Variants in LAMA2 observed in about 807,000 individuals in gnomAD.
LAMA2 encodes laminin subunit alpha 2, also known as laminin subunit alpha-2.
A neutral mutation model predicts 364.8 loss-of-function variants in LAMA2; 269 were observed. That is an observed-to-expected ratio of 0.74 (90% CI 0.67 to 0.82). LAMA2 has a LOEUF of 0.82. LAMA2 is among the 40% of genes least tolerant of loss of function. The pLI is 0.00. For synonymous variants in LAMA2, 1,379 were observed against 1,370.6 expected (o/e 1.01, Z -0.14); for missense variants, 3,807 against 3,873.2 (o/e 0.98, Z 0.45).
At chr6:129,225,256 C>G (rs1037576263) in intron 12 of LAMA2, among the ~76,000 whole-genome samples, 3 of 152,066 alleles carry the variant, frequency 2.0e-5, no homozygotes, top group Non-Finnish European at 4.4e-5. Context: ...AGCAGTCTAT[C>G]AATTTTGTTG....
At chr6:129,261,110 C>T (rs928072191) in intron 15 of LAMA2, among the ~76,000 whole-genome samples, 2 of 152,018 alleles carry the variant, frequency 1.3e-5, no homozygotes, top group African/African-American at 4.8e-5. Context: ...TGGATGGTAG[C>T]AGAATAGCAC....
At chr6:129,143,815 A>T in intron 4 of LAMA2, 86 bp from the exon 5 acceptor site, 1 of 1,017,818 alleles carries the variant, frequency 9.8e-7, no homozygotes, top group Non-Finnish European at 1.5e-6. Context: ...ATGGGAAGTT[A>T]ACTTTATTTT....
chr6:129,488,958 A>G (rs1328584146), intron 56 of LAMA2, among the ~76,000 whole-genome samples: 1 of 152,250 alleles, frequency 6.6e-6, no homozygotes. Context: ...ATCACAGATG[A>G]GAAAATATTA....
intron 9 of LAMA2, among the ~76,000 whole-genome samples, chr6:129,172,971 A>T (rs1326058300): frequency 6.6e-6 from 1 of 152,202 alleles, no homozygotes; most frequent in Non-Finnish European, 1.5e-5. Flanking sequence ...GTGACTCGGA[A>T]AGGGAACTCC....
chr6:129,459,752 A>G (rs1583802860), intron 48 of LAMA2, among the ~76,000 whole-genome samples: 1 of 152,210 alleles, frequency 6.6e-6, no homozygotes, highest in Middle Eastern at 3.4e-3. Flanking sequence ...ATTTGCCCAA[A>G]GAAAATTATG....
At chr6:129,041,466 T>G (rs188446528) in intron 1 of LAMA2, among the ~76,000 whole-genome samples, 1 of 152,364 alleles carries the variant, frequency 6.6e-6, no homozygotes, top group African/African-American at 2.4e-5. Flanking sequence ...CTGAAGGAAG[T>G]TGAAAAGATA....
chr6:129,206,427 C>T (rs1261340441), intron 12 of LAMA2, among the ~76,000 whole-genome samples: 4 of 152,124 alleles, frequency 2.6e-5, no homozygotes, highest in Non-Finnish European at 4.4e-5. Context: ...TAATCTATTA[C>T]AAACTATTGC....
rs534182299 is a variant in LAMA2 at position 129,164,633 on chromosome 6, T to A, written c.1207-943T>A. On this transcript the variant is annotated intron_variant, in intron 8 of 64. Transcript: ENST00000421865. The stretch of plus-strand genomic sequence containing the variant: ...GAAAACTCCAGGTATTCATCAAACA[T>A]TTCTAATGTAGTTAACTTAAAGTCT... Among the ~76,000 whole-genome samples the A allele has an allele frequency of 2.0e-5, 3 of 152,320 alleles. No individual in the cohort carries two copies. The South Asian group carries it at 6.2e-4, about 32-fold the overall frequency.
chr6:128,935,110 A>G (rs937347722), intron 1 of LAMA2, among the ~76,000 whole-genome samples: 2 of 152,090 alleles, frequency 1.3e-5, no homozygotes, highest in Non-Finnish European at 2.9e-5. Flanking sequence ...CTTGTGCACA[A>G]TGTGCAGGTT....
At chr6:129,207,659 C>T (rs1251585179) in intron 12 of LAMA2, among the ~76,000 whole-genome samples, 1 of 151,810 alleles carries the variant, frequency 6.6e-6, no homozygotes, top group Non-Finnish European at 1.5e-5. Flanking sequence ...CCATGTGCTG[C>T]TATATTGATA....
chr6:129,507,432 A>G (rs2114910349), intron 61 of LAMA2, 57 bp from the exon 62 acceptor site: 1 of 1,586,464 alleles, frequency 6.3e-7, no homozygotes, highest in South Asian at 1.1e-5. Flanking sequence ...TGTATTCTAC[A>G]TAAAGGCAAA....
In LAMA2 at chr6:129,237,733, G is replaced by C. The variant is rs183598866; in HGVS notation, c.1783-12379G>C. 7.2e-5 allele frequency among the ~76,000 whole-genome samples: 11 copies of C among 152,236 alleles called. No individual in the cohort carries two copies. The East Asian group carries it at 1.9e-3, about 27-fold the overall frequency. On this transcript the variant is annotated intron_variant, in intron 12 of 64. Transcript: ENST00000421865. ...TATATATGCATTTATAATTTTAACA[G>C]ATATTGCCAAATTGAACCCATATAT...
chr6:129,232,144 T>C (rs1784704628), intron 12 of LAMA2, among the ~76,000 whole-genome samples: 1 of 152,152 alleles, frequency 6.6e-6, no homozygotes, highest in Non-Finnish European at 1.5e-5. Flanking sequence ...ATTATCATCA[T>C]ACAGCATATG....
intron 2 of LAMA2, among the ~76,000 whole-genome samples, chr6:129,050,758 A>G (rs1260216769): frequency 6.6e-6 from 1 of 152,336 alleles, no homozygotes; most frequent in East Asian, 1.9e-4. Context: ...GCCAAAGGGC[A>G]GAGAGTAGAG....
intron 9 of LAMA2, among the ~76,000 whole-genome samples, chr6:129,168,015 G>GT (rs1416257437): frequency 2.0e-5 from 3 of 150,442 alleles, no homozygotes; most frequent in East Asian, 1.9e-4. Context: ...GGGGTTGTTT[G>GT]TTTTTTTCTT....
intron 60 of LAMA2, among the ~76,000 whole-genome samples, chr6:129,503,657 T>G (rs1323677053): frequency 6.6e-6 from 1 of 152,236 alleles, no homozygotes; most frequent in East Asian, 1.9e-4. Context: ...ATTCTGAGAT[T>G]ATATTATAGC....
At chr6:129,467,130 A>G (rs1357866792) in intron 51 of LAMA2, among the ~76,000 whole-genome samples, 1 of 151,912 alleles carries the variant, frequency 6.6e-6, no homozygotes, top group Non-Finnish European at 1.5e-5. Flanking sequence ...TGACTGAGAA[A>G]AGAAAATGTG....
At chr6:128,951,297 G>A (rs1400999175) in intron 1 of LAMA2, among the ~76,000 whole-genome samples, 1 of 152,024 alleles carries the variant, frequency 6.6e-6, no homozygotes, top group African/African-American at 2.4e-5. Flanking sequence ...GATTCAATGT[G>A]GTAACAGGTA....
chr6:129,453,534 TTTTTTTACCAATGGAAACTC>T (rs1231449187), intron 46 of LAMA2, among the ~76,000 whole-genome samples: 1 of 152,090 alleles, frequency 6.6e-6, no homozygotes, highest in Non-Finnish European at 1.5e-5. Flanking sequence ...TGTGTACTAT[TTTTTTTACCAATGGAAACTC>T]TTCTAACTTG....
Sources: gnomAD v4.1 joint callset for allele counts (sites outside exome capture counted in the v4.1 genomes callset) on GRCh38, gnomAD v4.1.1 for gene constraint, MANE v1.5 for transcripts, NCBI Gene and HGNC (gene_info 2026-07-23, HGNC 2026-07-21) for gene names.